The following LMOD1 variants were observed in gnomAD, a reference collection of about 807,000 sequenced individuals.
LMOD1 encodes leiomodin 1, also known as leiomodin-1.
LMOD1 carries 8 observed loss-of-function variants against 36.5 expected under a neutral mutation model. The observed-to-expected ratio is 0.22, with a 90% CI of 0.13 to 0.40. The LOEUF is 0.40. Among genes scored for constraint, LMOD1 ranks in the 10% least tolerant of loss-of-function variants. The probability of loss-of-function intolerance (pLI) is 1.00; values close to 1 mark genes in which losing one functional copy is unlikely to be tolerated. For missense variants in LMOD1, 630 were observed against 751.1 expected, an observed-to-expected ratio of 0.84 and a Z score of 1.88; for synonymous variants, 284 against 288.7, an observed-to-expected ratio of 0.98 and a Z score of 0.17.
At chr1:201,901,512 ATATATAT>A (rs1419537161) in intron 1 of LMOD1, among the ~76,000 whole-genome samples, 2 of 35,000 alleles carry the variant, frequency 5.7e-5, no homozygotes, top group Non-Finnish European at 9.9e-5. Flanking sequence ...CAAAAAAAAA[ATATATAT>A]ATATATATAT....
At chr1:201,933,560 C>CATACATTATATAT (rs1681963326) in intron 1 of LMOD1, among the ~76,000 whole-genome samples, 4 of 120,856 alleles carry the variant, frequency 3.3e-5, no homozygotes, top group Non-Finnish European at 7.0e-5. Flanking sequence ...ATATATAATA[C>CATACATTATATAT]ATATATATAT....
At chr1:201,923,143 C>A (rs1030495653) in intron 1 of LMOD1, among the ~76,000 whole-genome samples, 12 of 151,954 alleles carry the variant, frequency 7.9e-5, no homozygotes, top group Admixed American at 7.9e-4. Context: ...CTCTTGACAG[C>A]CCTTCCCCAG....
At chr1:201,924,116 A>G (rs1334899854) in intron 1 of LMOD1, among the ~76,000 whole-genome samples, 1 of 151,072 alleles carries the variant, frequency 6.6e-6, no homozygotes, top group Non-Finnish European at 1.5e-5. Flanking sequence ...GGAGATCAAG[A>G]CCATCCTGGC....
At chr1:201,906,330 C>T (rs929654679) in intron 1 of LMOD1, among the ~76,000 whole-genome samples, 7 of 152,212 alleles carry the variant, frequency 4.6e-5, no homozygotes, top group East Asian at 1.9e-4. Flanking sequence ...CCTGTCCATC[C>T]GCATCCTGCA....
intron 1 of LMOD1, among the ~76,000 whole-genome samples, chr1:201,906,600 G>C (rs1455286007): frequency 6.6e-6 from 1 of 152,232 alleles, no homozygotes; most frequent in Non-Finnish European, 1.5e-5. Flanking sequence ...TGCAGGGCAG[G>C]GCAGGCAGCA....
chr1:201,944,307 A>G (rs1682167053), intron 1 of LMOD1, among the ~76,000 whole-genome samples: 2 of 152,204 alleles, frequency 1.3e-5, no homozygotes, highest in South Asian at 4.1e-4. Flanking sequence ...TATGATAGTG[A>G]AATTTCCAGG....
intron 1 of LMOD1, among the ~76,000 whole-genome samples, chr1:201,925,007 G>C (rs1681803854): frequency 6.6e-6 from 1 of 152,216 alleles, no homozygotes; most frequent in Admixed American, 6.5e-5. Context: ...TTGAGGTCAG[G>C]AGTTCAAGGC....
chr1:201,913,902 T>G (rs2102916096), intron 1 of LMOD1, among the ~76,000 whole-genome samples: 1 of 152,320 alleles, frequency 6.6e-6, no homozygotes, highest in East Asian at 1.9e-4. Flanking sequence ...ATGTAGCTTG[T>G]TTATCTATTC....
At chr1:201,941,853 C>T (rs904043815) in intron 1 of LMOD1, among the ~76,000 whole-genome samples, 2 of 152,224 alleles carry the variant, frequency 1.3e-5, no homozygotes, top group African/African-American at 4.8e-5. Flanking sequence ...TGGCTGGGTA[C>T]AGGCGCTAAT....
At chr1:201,940,156 C>T (rs1031809033) in intron 1 of LMOD1, among the ~76,000 whole-genome samples, 56 of 151,440 alleles carry the variant, frequency 3.7e-4, no homozygotes, top group Non-Finnish European at 6.9e-4. Context: ...TCCTGCCTCC[C>T]TCTTGCATTT....
rs1238126370 is a variant in LMOD1 at position 201,933,414 on chromosome 1, C to CAA, written c.261+12664_261+12665dup. On this transcript the variant is annotated intron_variant, in intron 1 of 2. Transcript: ENST00000367288. ...GGGCAACAGGAGCAAAACTCTGTCTCAAAAAAAAAAAAATGCTATAGACAA... is the reference window on the plus strand; with the variant it reads ...GGGCAACAGGAGCAAAACTCTGTCTCAAAAAAAAAAAAAAATGCTATAGACAA... Among the ~76,000 whole-genome samples, 236 of 126,108 alleles carry CAA rather than the reference C, an allele frequency of 1.9e-3. 1 individual carries two copies. Among genetic ancestry groups the CAA allele is most frequent in the African/African-American group, 6.5e-3 (225 of 34,444 alleles). The allele number at this position is 126,108 out of a possible 152,430, so 82.7% of individuals were successfully genotyped here. A position where few individuals can be genotyped will look rare whatever the true frequency, so the allele number is the denominator to read the frequency against.
intron 1 of LMOD1, among the ~76,000 whole-genome samples, chr1:201,944,970 T>C (rs1029401898): frequency 6.6e-6 from 1 of 152,236 alleles, no homozygotes; most frequent in East Asian, 1.9e-4. Context: ...TTTGAAGCTC[T>C]GTGCCTCAGT....
At position 201,906,351 on chromosome 1, in the gene LMOD1, C is replaced by T. The variant is rs546277636; in HGVS notation, c.262-5600G>A. 8.5e-5 allele frequency among the ~76,000 whole-genome samples: 13 copies of T among 152,330 alleles called. No individual in the cohort carries two copies. The East Asian group carries it at 1.2e-3, about 14-fold the overall frequency. On this transcript the variant is annotated intron_variant, in intron 1 of 2. Coordinates refer to ENST00000367288, the MANE Select transcript of LMOD1 (RefSeq NM_012134.3). ...CATCCGCATCCTGCATCAGTCCCCC[C>T]ACCCGCCTCCACCATGTCTCAGAGC...
intron 1 of LMOD1, among the ~76,000 whole-genome samples, chr1:201,901,553 CATATATATATGTATATAT>C (rs1681310455): frequency 2.1e-4 from 8 of 38,358 alleles, no homozygotes; most frequent in African/African-American, 1.0e-3. Flanking sequence ...TATATATATA[CATATATATATGTATATAT>C]ATATATATAT....
rs188141026 is a variant in LMOD1 at position 201,924,445 on chromosome 1, G to C, written c.261+21635C>G. On this transcript the variant is annotated intron_variant, in intron 1 of 2. Coordinates refer to ENST00000367288, the MANE Select transcript of LMOD1 (RefSeq NM_012134.3). ...GAAGGGAAGGAAGGAAGGAAGCAAG[G>C]AAGGAGGGAGGGAGGGAAGGAAGGA... Among the ~76,000 whole-genome samples the C allele has an allele frequency of 4.2e-3, 168 of 40,154 alleles. 5 individuals carry two copies. Among genetic ancestry groups the C allele is most frequent in the Middle Eastern group, 0.025 (1 of 40 alleles). 26.3% of individuals were successfully genotyped at this position (40,154 alleles called of 152,430 possible).
chr1:201,928,674 A>T (rs2102925009), intron 1 of LMOD1, among the ~76,000 whole-genome samples: 3 of 152,326 alleles, frequency 2.0e-5, no homozygotes, highest in African/African-American at 7.2e-5. Flanking sequence ...GATGGGAGCT[A>T]AAGGCCTTAT....
At chr1:201,939,723 C>A (rs928381416) in intron 1 of LMOD1, among the ~76,000 whole-genome samples, 1 of 152,014 alleles carries the variant, frequency 6.6e-6, no homozygotes, top group African/African-American at 2.4e-5. Flanking sequence ...ACTCCTGTCC[C>A]CCATGCATGG....
intron 1 of LMOD1, among the ~76,000 whole-genome samples, chr1:201,934,287 G>C (rs1681977508): frequency 6.6e-6 from 1 of 152,112 alleles, no homozygotes; most frequent in Non-Finnish European, 1.5e-5. Context: ...CTTCAGACCA[G>C]CCTATGGCTG....
At chr1:201,927,579 CAAAAAAAACA>C (rs1681849109) in intron 1 of LMOD1, among the ~76,000 whole-genome samples, 1 of 121,490 alleles carries the variant, frequency 8.2e-6, no homozygotes, top group Non-Finnish European at 1.8e-5. Flanking sequence ...AACAAACAAA[CAAAAAAAACA>C]AAAAAAAAAA....
Sources: allele counts gnomAD v4.1 joint callset (sites outside exome capture counted in the v4.1 genomes callset), GRCh38; gene constraint gnomAD v4.1.1; transcripts MANE v1.5; gene names NCBI Gene and HGNC (gene_info 2026-07-23, HGNC 2026-07-21).